The following ZNF688 variants were observed in gnomAD, a reference collection of about 807,000 sequenced individuals.
ZNF688 encodes the protein zinc finger protein 688.
Under a neutral mutation model 13.2 loss-of-function variants are expected in ZNF688, and 10 were observed. The ratio of observed to expected loss-of-function variants is 0.76; its 90% CI spans 0.47 to 1.28. The LOEUF (loss-of-function observed/expected upper bound fraction) is 1.28, where lower values mean the gene tolerates loss of function less well. ZNF688 is among the 50% of genes most tolerant of loss of function. The pLI is 0.00. For missense variants in ZNF688, 381 were observed against 391.4 expected, an observed-to-expected ratio of 0.97 and a Z score of 0.22; for synonymous variants, 160 against 159.4, an observed-to-expected ratio of 1.00 and a Z score of -0.03.
Position 30,570,352 on chromosome 16 carries a change from G to T in ZNF688, c.395C>A (p.Pro132His). Residue 132 changes from proline to histidine, a missense_variant, in exon 3 of 3, where the codon CCT (proline) becomes CAT (histidine). Coordinates refer to ENST00000223459, the MANE Select transcript of ZNF688 (RefSeq NM_145271.4). ...GPRKAPVKES[P>H]EVLVERNPDP... ...AGGGTTGCGTTCCACCAGCACTTCA[G>T]GACTCTCCTTCACAGGAGCCTTTCT... The T allele has an allele frequency of 6.2e-7, 1 of 1,614,074 alleles. No individual in the cohort carries two copies. The highest frequency in any genetic ancestry group is 8.5e-7 in the Non-Finnish European group (1 of 1,180,048).
chr16:30,577,677 G>A (rs369339389), upstream of ZNF688, among the ~76,000 whole-genome samples: 410 of 148,642 alleles, frequency 2.8e-3, 24 homozygotes, highest in South Asian at 0.084. Context: ...CACTGTACCC[G>A]GCCTGTGGTT....
the ZNF688 span, among the ~76,000 whole-genome samples, chr16:30,577,854 G>A: frequency 2.0e-5 from 3 of 151,722 alleles, no homozygotes; most frequent in Non-Finnish European, 4.4e-5. Context: ...ATTTTTAGTA[G>A]AGATGGGGTT....
In ZNF688 at chr16:30,571,453, G is replaced by A; in HGVS notation, c.177C>T (p.Tyr59=). 1 of 1,578,720 alleles carries A rather than the reference G, an allele frequency of 6.3e-7. No homozygotes were observed. Among genetic ancestry groups the A allele is most frequent in the Non-Finnish European group, 8.6e-7 (1 of 1,163,516 alleles). The change falls in exon 1 of 3, where the codon TAC becomes TAT. Residue 59 remains tyrosine (Y), a synonymous_variant. Transcript: ENST00000223459. The stretch of plus-strand genomic sequence containing the variant: ...TCTCACCGAGCGCGCCCAGGTGGCC[G>A]TAGGTCTCCTGCATCACGTCCCGGT... ...ALYRDVMQET[Y]GHLGALGFPG...
chr16:30,571,249 C>T, intron 1 of ZNF688, 126 bp from the exon 2 acceptor site: 2 of 1,539,306 alleles, frequency 1.3e-6, no homozygotes, highest in Non-Finnish European at 1.7e-6. Flanking sequence ...AGTGCTGCTG[C>T]CTGAATGAAA....
At chr16:30,571,805 T>C (rs1049730886), upstream of ZNF688, 18 of 1,317,322 alleles carry the variant, frequency 1.4e-5, no homozygotes, top group Admixed American at 4.0e-5. Flanking sequence ...AGGATTCTGA[T>C]AGGGACAAAT....
At chr16:30,575,609 C>G (rs1301424106), upstream of ZNF688, among the ~76,000 whole-genome samples, 2 of 151,804 alleles carry the variant, frequency 1.3e-5, no homozygotes, top group Admixed American at 1.3e-4. Flanking sequence ...AGTGGCTGTA[C>G]TAACTTACGT....
chr16:30,573,879 C>A, upstream of ZNF688: 1 of 387,810 alleles, frequency 2.6e-6, no homozygotes, highest in Non-Finnish European at 5.2e-6. Flanking sequence ...CACTGCACTC[C>A]ATGTGGTGAA....
At chr16:30,571,875 G>A, upstream of ZNF688, 1 of 1,280,752 alleles carries the variant, frequency 7.8e-7, no homozygotes, top group Non-Finnish European at 9.8e-7. Context: ...CGGGTTAAGG[G>A]ACCCGGAAGG....
At position 30,571,569 on chromosome 16, in the gene ZNF688, T is replaced by A; in HGVS notation, c.61A>T (p.Arg21Trp). Residue 21 changes from arginine (R) to tryptophan (W), a missense_variant, in exon 1 of 3, where the codon AGG (arginine) becomes TGG (tryptophan). By Grantham distance (101) the Arg-to-Trp change is moderately radical (BLOSUM62 -3). Coordinates refer to ENST00000223459, the MANE Select transcript of ZNF688 (RefSeq NM_145271.4). ...PRPGETRPGC[R>W]KPGTVSFADV... ...GCGAAGCTCACAGTCCCGGGCTTCC[T>A]GCAACCAGGCCGGGTCTCCCCGGGC... The A allele has an allele frequency of 1.3e-6, 2 of 1,568,148 alleles. No individual in the cohort carries two copies. The highest frequency in any genetic ancestry group is 2.3e-5 in the South Asian group (2 of 85,562).
chr16:30,572,256 C>A, upstream of ZNF688: 2 of 1,558,958 alleles, frequency 1.3e-6, no homozygotes, highest in Middle Eastern at 1.7e-4. Flanking sequence ...CAGACTGGAG[C>A]GCAGCGGAGA....
chr16:30,574,414 C>T (rs531720044), upstream of ZNF688, among the ~76,000 whole-genome samples: 3 of 146,684 alleles, frequency 2.0e-5, no homozygotes, highest in South Asian at 2.2e-4. Flanking sequence ...GGTGTGGAGT[C>T]GGACGCCTGT....
chr16:30,574,452 A>C (rs2051728164), upstream of ZNF688, among the ~76,000 whole-genome samples: 1 of 152,058 alleles, frequency 6.6e-6, no homozygotes, highest in Admixed American at 6.6e-5. Context: ...AGGCTGAGGC[A>C]CAAGAATGGC....
the ZNF688 span, chr16:30,578,223 CAA>C: frequency 6.6e-6 from 1 of 152,270 alleles, no homozygotes; most frequent in Non-Finnish European, 1.5e-5. Context: ...CCCAGTTACT[CAA>C]GAGGCTGAGA....
At chr16:30,571,763 C>T (rs961446126), upstream of ZNF688, 2 of 1,333,450 alleles carry the variant, frequency 1.5e-6, no homozygotes, top group African/African-American at 3.1e-5. Context: ...CCGAGGCAAC[C>T]GAAGTAGCAG....
upstream of ZNF688, among the ~76,000 whole-genome samples, chr16:30,576,171 C>CT (rs1374702804): frequency 1.2e-4 from 19 of 152,164 alleles, 1 homozygote; most frequent in Admixed American, 8.5e-4. Context: ...CCTCAGCCTC[C>CT]TGAGTAGCTG....
At chr16:30,578,004 C>T in the ZNF688 span, among the ~76,000 whole-genome samples, 1 of 151,988 alleles carries the variant, frequency 6.6e-6, no homozygotes, top group African/African-American at 2.4e-5. Context: ...AAAACTGTTC[C>T]GTGTAGCTGA....
At position 30,571,667 on chromosome 16, in the gene ZNF688, T is replaced by C. The variant is rs2051688278; in HGVS notation, c.-38A>G. On this transcript the variant is annotated 5_prime_UTR_variant, in exon 1 of 3. Coordinates refer to ENST00000223459, the MANE Select transcript of ZNF688 (RefSeq NM_145271.4). ...CCCCGATCGGCGGCCGCCAGGTCCCTGGAGCCGCCGCCTCCCCGCTCCCGG... is the reference window on the plus strand; with the variant it reads ...CCCCGATCGGCGGCCGCCAGGTCCCCGGAGCCGCCGCCTCCCCGCTCCCGG... 1 of 1,363,584 alleles carries C rather than the reference T, an allele frequency of 7.3e-7. No homozygotes were observed. Among genetic ancestry groups the C allele is most frequent in the Admixed American group, 3.9e-5 (1 of 25,580 alleles). 84.5% of individuals were successfully genotyped at this position (1,363,584 alleles called of 1,614,324 possible). A position where few individuals can be genotyped will look rare whatever the true frequency, so the allele number is the denominator to read the frequency against.
upstream of ZNF688, among the ~76,000 whole-genome samples, chr16:30,574,174 G>A (rs1299239032): frequency 6.6e-6 from 1 of 151,902 alleles, no homozygotes; most frequent in African/African-American, 2.4e-5. Flanking sequence ...TTGAACCCAG[G>A]AAGCAGAGGT....
At chr16:30,570,532 T>C in intron 2 of ZNF688, 96 bp from the exon 3 acceptor site, 3 of 1,430,076 alleles carry the variant, frequency 2.1e-6, no homozygotes, top group Non-Finnish European at 2.8e-6. Context: ...AGGGAAGTTC[T>C]GTCCAGTGAT....
Sources: allele counts gnomAD v4.1 joint callset (sites outside exome capture counted in the v4.1 genomes callset), GRCh38; gene constraint gnomAD v4.1.1; transcripts MANE v1.5; gene names NCBI Gene and HGNC (gene_info 2026-07-23, HGNC 2026-07-21).